The following UBR4 variants were observed in gnomAD, a reference collection of about 807,000 sequenced individuals.
UBR4 encodes the protein E3 ubiquitin-protein ligase UBR4.
In UBR4, 124 loss-of-function variants were observed where a neutral mutation model predicts 575.6. That is an observed-to-expected ratio of 0.22 (90% CI 0.19 to 0.25). The LOEUF (loss-of-function observed/expected upper bound fraction) is 0.25, where lower values mean the gene tolerates loss of function less well. Ranked by LOEUF, UBR4 falls within the 10% of genes least tolerant of loss-of-function variation. The pLI, the probability that UBR4 is intolerant of heterozygous loss-of-function variation, is 1.00. For missense variants in UBR4, 4,818 were observed against 6,478.8 expected, an observed-to-expected ratio of 0.74 and a Z score of 8.80; for synonymous variants, 2,455 against 2,473.7, an observed-to-expected ratio of 0.99 and a Z score of 0.22.
intron 17 of UBR4, among the ~76,000 whole-genome samples, chr1:19,180,408 C>T (rs531231290): frequency 8.6e-5 from 13 of 151,882 alleles, no homozygotes; most frequent in African/African-American, 3.1e-4. Context: ...AGGCTGGTCT[C>T]GAACTTCTGG....
chr1:19,083,690 C>T (rs2076741475), intron 102 of UBR4, among the ~76,000 whole-genome samples: 1 of 152,176 alleles, frequency 6.6e-6, no homozygotes, highest in Non-Finnish European at 1.5e-5. Context: ...GTGAGCCTGG[C>T]TAATTTAAAA....
chr1:19,107,114 T>C (rs1359581056), intron 81 of UBR4, 148 bp from the exon 82 acceptor site: 9 of 1,204,642 alleles, frequency 7.5e-6, no homozygotes, highest in Non-Finnish European at 1.0e-5. Flanking sequence ...TGCCCAAATA[T>C]GTGTTCCTGT....
rs1284590279 is a variant in UBR4 at position 19,092,881 on chromosome 1, G to A, written c.14149C>T (p.Pro4717Ser). Reference sequence around the variant, plus strand: ...AGCCTTAGGATAAATGGCAAGGCTGGGCGAGACAAAAACTTTTTCCAGATG... The same window carrying A: ...AGCCTTAGGATAAATGGCAAGGCTGAGCGAGACAAAAACTTTTTCCAGATG... ...ADIWKKFLSR[P>S]ALPFILRLLR... Residue 4717 changes from proline (P) to serine (S), a missense_variant, in exon 97 of 106, where the codon CCA (proline) becomes TCA (serine). Pro to Ser is a moderately conservative substitution (Grantham distance 74). Coordinates refer to ENST00000375254, the MANE Select transcript of UBR4 (RefSeq NM_020765.3). The A allele has an allele frequency of 6.2e-7, 1 of 1,613,566 alleles. No individual in the cohort carries two copies. The highest frequency in any genetic ancestry group is 8.5e-7 in the Non-Finnish European group (1 of 1,179,882).
chr1:19,111,449 G>C (rs918302376), intron 78 of UBR4, among the ~76,000 whole-genome samples: 4 of 152,112 alleles, frequency 2.6e-5, no homozygotes, highest in Non-Finnish European at 4.4e-5. Context: ...TGATGCCCTA[G>C]CATTCCTGGC....
At chr1:19,128,130 T>C in intron 62 of UBR4, 81 bp downstream of exon 62, 1 of 1,345,680 alleles carries the variant, frequency 7.4e-7, no homozygotes, top group South Asian at 1.2e-5. Context: ...CGAGGTGAAG[T>C]TCCTCTATGA....
intron 100 of UBR4, among the ~76,000 whole-genome samples, 168 bp downstream of exon 100, chr1:19,086,511 T>C (rs1375873416): frequency 6.6e-6 from 1 of 152,238 alleles, no homozygotes; most frequent in Non-Finnish European, 1.5e-5. Context: ...AAAGCATATT[T>C]TCCTATCATT....
In UBR4 at chr1:19,110,797, A is replaced by T. The variant is rs938510309; in HGVS notation, c.11837T>A (p.Leu3946Gln). Residue 3946 changes from leucine (L) to glutamine (Q), a missense_variant, in exon 79 of 106, where the codon CTG becomes CAG. Around this residue, in one of 29 missense-constraint regions of UBR4, gnomAD observed 333 missense variants for 459.2 expected, o/e 0.73. Transcript: ENST00000375254. This position sits in a 1 kb window ranked among gnomAD's most constrained non-coding sequence, Gnocchi z 4.5. ...NPEATQQMND[L>Q]IIGKVSTALK... is the part of the protein sequence containing the mutation. ...GGCTGTGGAGACCTTGCCAATAATCAGGTCATTCATCTGTTGGGTGGCTTC... is the reference window on the plus strand; with the variant it reads ...GGCTGTGGAGACCTTGCCAATAATCTGGTCATTCATCTGTTGGGTGGCTTC... 6.2e-7 allele frequency: 1 copy of T among 1,614,182 alleles called. No individual in the cohort carries two copies. Among genetic ancestry groups the T allele is most frequent in the Admixed American group, 1.7e-5 (1 of 60,018 alleles).
At chr1:19,167,341 C>G in intron 28 of UBR4, 110 bp from the exon 29 acceptor site, 1 of 1,097,350 alleles carries the variant, frequency 9.1e-7, no homozygotes, top group Non-Finnish European at 1.3e-6. Flanking sequence ...AGGGGAATTG[C>G]GCAAGGGCCT....
chr1:19,128,406 T>C (rs2082051203), intron 61 of UBR4, 88 bp from the exon 62 acceptor site: 3 of 1,079,210 alleles, frequency 2.8e-6, no homozygotes, highest in Non-Finnish European at 4.2e-6. Context: ...AATCCTAATC[T>C]TCCTGACATC....
chr1:19,185,395 T>C lies in UBR4; in HGVS notation c.1751-109A>G, dbSNP rs903975163. ...CAAAAGGAATACAAGGATATCCCAA[T>C]TGTGATGATGGTTACAAGATTGCAT... On this transcript the variant is annotated intron_variant, in intron 14 of 105. Transcript: ENST00000375254. 5 of 1,074,846 alleles carry C rather than the reference T, an allele frequency of 4.7e-6. No homozygotes were observed. The African/African-American group carries it at 6.5e-5, about 14-fold the overall frequency. 66.6% of individuals were successfully genotyped at this position (1,074,846 alleles called of 1,614,324 possible).
Position 19,096,607 on chromosome 1 carries a change from C to G in UBR4, c.13434G>C (p.Val4478=). The change falls in exon 92 of 106, where the codon GTG becomes GTC. Residue 4478 remains valine (V), a synonymous_variant. Coordinates refer to ENST00000375254, the MANE Select transcript of UBR4 (RefSeq NM_020765.3). ...ATTCCAGGCCCCCACACTGGGCCAT[C>G]ACACCAGCCATTTTATACACTTCTT... The part of the protein sequence containing the change: ...DEEEVYKMAG[V]MAQCGGLECM... 1 of 1,613,822 alleles carries G rather than the reference C, an allele frequency of 6.2e-7. No individual in the cohort carries two copies. The highest frequency in any genetic ancestry group is 8.5e-7 in the Non-Finnish European group (1 of 1,179,930).
chr1:19,139,361 G>T lies in UBR4; in HGVS notation c.8594-141C>A. ...CACAATGCAGTTTATATATCCTGTCGTCAAAGAAAAAAGGGAGAGATTTGC... is the reference window on the plus strand; with the variant it reads ...CACAATGCAGTTTATATATCCTGTCTTCAAAGAAAAAAGGGAGAGATTTGC... On this transcript the variant is annotated intron_variant, in intron 58 of 105. Transcript: ENST00000375254. The surrounding 1 kb of genome is among the most constrained non-coding windows in gnomAD (Gnocchi z 4.2). The T allele has an allele frequency of 8.7e-7, 1 of 1,154,698 alleles. No individual in the cohort carries two copies. The highest frequency in any genetic ancestry group is 1.1e-6 in the Non-Finnish European group (1 of 893,494). 71.5% of individuals were successfully genotyped at this position (1,154,698 alleles called of 1,614,324 possible).
At chr1:19,076,157 G>A (rs1297384424) in intron 105 of UBR4, among the ~76,000 whole-genome samples, 3 of 152,210 alleles carry the variant, frequency 2.0e-5, no homozygotes, top group Non-Finnish European at 4.4e-5. Flanking sequence ...CAATTAGAAT[G>A]ACAAATTTGT....
At chr1:19,196,376 C>T (rs2092457068) in intron 8 of UBR4, among the ~76,000 whole-genome samples, 1 of 152,166 alleles carries the variant, frequency 6.6e-6, no homozygotes. Context: ...ATGGTGTCCC[C>T]AAGGTCAGGT....
At chr1:19,158,973 C>A (rs2086863325) in intron 39 of UBR4, among the ~76,000 whole-genome samples, 1 of 151,968 alleles carries the variant, frequency 6.6e-6, no homozygotes, top group Non-Finnish European at 1.5e-5. Flanking sequence ...GAAATCCTAT[C>A]TCTACTAAAA....
chr1:19,094,086 C>T lies in UBR4; in HGVS notation c.13800G>A (p.Gln4600=), dbSNP rs750756883. ...TGGAGCGAACAAAGGTGCTGTTGAT[C>T]TGGTCCAAGAGCATCACCAGTTGAT... is the stretch of plus-strand genomic sequence containing the variant. ...DKDQLVMLLD[Q]INSTFVRSNP... Residue 4600 remains glutamine (Q), a synonymous_variant, in exon 95 of 106, where the codon CAG becomes CAA. Transcript: ENST00000375254. 6.2e-7 allele frequency: 1 copy of T among 1,614,052 alleles called. No individual in the cohort carries two copies. Among genetic ancestry groups the T allele is most frequent in the South Asian group, 1.1e-5 (1 of 91,054 alleles).
intron 33 of UBR4, among the ~76,000 whole-genome samples, 153 bp from the exon 34 acceptor site, chr1:19,163,980 T>C (rs1571316845): frequency 6.6e-6 from 1 of 152,186 alleles, no homozygotes; most frequent in South Asian, 2.1e-4. Flanking sequence ...TATAGTTACA[T>C]AGCTTGGGGT....
At position 19,089,058 on chromosome 1, in the gene UBR4, C is replaced by T. The variant is rs759453112; in HGVS notation, c.14212-81G>A. ...TCCCGGGAGCTTAAAGGTTTAGAAA[C>T]TCAACCAGCATGCACCATCTCATGT... On this transcript the variant is annotated intron_variant, in intron 97 of 105. Transcript: ENST00000375254. This position sits in a 1 kb window ranked among gnomAD's most constrained non-coding sequence, Gnocchi z 4.3. 1.4e-6 allele frequency: 2 copies of T among 1,426,226 alleles called. No individual in the cohort carries two copies. Among genetic ancestry groups the T allele is most frequent in the Non-Finnish European group, 9.6e-7 (1 of 1,037,832 alleles). The allele number at this position is 1,426,226 out of a possible 1,614,324, so 88.3% of individuals were successfully genotyped here.
Position 19,209,131 on chromosome 1 carries a change from A to C in UBR4, c.176+942T>G, listed in dbSNP as rs974988413. ...GGGCCTCCTTTGAGTAACAAATAGCAATTTTTAACCTCTGGATAGCAGCTA... is the reference window on the plus strand; with the variant it reads ...GGGCCTCCTTTGAGTAACAAATAGCCATTTTTAACCTCTGGATAGCAGCTA... On this transcript the variant is annotated intron_variant, in intron 1 of 105. Transcript: ENST00000375254. 4.4e-4 allele frequency among the ~76,000 whole-genome samples: 67 copies of C among 152,232 alleles called. 2 individuals are homozygous for C. The highest frequency in any genetic ancestry group is 6.5e-5 in the Admixed American group (1 of 15,286).
Sources: allele counts gnomAD v4.1 joint callset (sites outside exome capture counted in the v4.1 genomes callset), GRCh38; gene constraint gnomAD v4.1.1; regional missense constraint gnomAD v4.1.1; non-coding constraint Gnocchi (gnomAD v3.1); transcripts MANE v1.5; gene names NCBI Gene and HGNC (gene_info 2026-07-23, HGNC 2026-07-21).